AGBL1: variants seen among roughly 807,000 people sequenced by gnomAD.
The protein encoded by AGBL1 is cytosolic carboxypeptidase 4.
In AGBL1, 130 loss-of-function variants were observed where a neutral mutation model predicts 118.9. The ratio of observed to expected loss-of-function variants is 1.09; its 90% CI spans 0.95 to 1.26. The LOEUF is 1.26. AGBL1 is among the 50% of genes most tolerant of loss of function. AGBL1 has a pLI of 0.00. For synonymous variants in AGBL1, 555 were observed against 478.9 expected (o/e 1.16, Z -2.08); for missense variants, 1,584 against 1,298.1 (o/e 1.22, Z -3.38).
intron 5 of AGBL1, among the ~76,000 whole-genome samples, chr15:86,170,499 C>T: frequency 6.6e-6 from 1 of 151,968 alleles, no homozygotes; most frequent in Admixed American, 6.6e-5. Flanking sequence ...CACAGGAAAC[C>T]ATGTGCATAA....
chr15:86,120,786 A>G (rs1379418554), intron 1 of AGBL1, among the ~76,000 whole-genome samples: 1 of 152,238 alleles, frequency 6.6e-6, no homozygotes, highest in Non-Finnish European at 1.5e-5. Flanking sequence ...CCTTTGGCAT[A>G]ATAAATGTGT....
intron 17 of AGBL1, among the ~76,000 whole-genome samples, chr15:86,298,920 A>G (rs1190373755): frequency 6.6e-6 from 1 of 152,052 alleles, no homozygotes. Flanking sequence ...GGACAACTTA[A>G]TGATTACTTT....
At chr15:86,858,771 TA>T (rs1422606338) in intron 22 of AGBL1, among the ~76,000 whole-genome samples, 1 of 151,878 alleles carries the variant, frequency 6.6e-6, no homozygotes, top group Non-Finnish European at 1.5e-5. Context: ...TTGGGTGGGG[TA>T]GGGGGATGGA....
intron 5 of AGBL1, among the ~76,000 whole-genome samples, chr15:86,216,494 T>A (rs1297741605): frequency 6.6e-6 from 1 of 152,192 alleles, no homozygotes; most frequent in Admixed American, 6.5e-5. Flanking sequence ...ATCAAATACT[T>A]TTCCTGCGTG....
intron 3 of AGBL1, among the ~76,000 whole-genome samples, chr15:86,153,486 A>T (rs2077144454): frequency 6.6e-6 from 1 of 151,534 alleles, no homozygotes; most frequent in Admixed American, 6.6e-5. Context: ...AGGGCAGTGA[A>T]CATCACACAC....
intron 21 of AGBL1, among the ~76,000 whole-genome samples, chr15:86,593,803 C>A (rs1005469186): frequency 6.6e-6 from 1 of 152,154 alleles, no homozygotes; most frequent in Admixed American, 6.5e-5. Flanking sequence ...TCTTTTGTTA[C>A]TGCAGATTAT....
chr15:86,977,258 T>C (rs1387690408), intron 23 of AGBL1, among the ~76,000 whole-genome samples: 1 of 151,978 alleles, frequency 6.6e-6, no homozygotes, highest in African/African-American at 2.4e-5. Context: ...AAATCTTATA[T>C]ATATTTGACT....
intron 16 of AGBL1, among the ~76,000 whole-genome samples, chr15:86,287,040 C>A (rs2079466246): frequency 6.6e-6 from 1 of 152,080 alleles, no homozygotes. Flanking sequence ...TTGATAATAA[C>A]CAATCTAACA....
In AGBL1 at chr15:86,142,011, C is replaced by G; in HGVS notation, c.59C>G (p.Ser20Cys). 1 of 1,550,030 alleles carries G rather than the reference C, an allele frequency of 6.5e-7. No homozygotes were observed. The highest frequency in any genetic ancestry group is 8.7e-7 in the Non-Finnish European group (1 of 1,146,696). ...CCTGTGTTCTCATTGCAGAGCTCCTCTGACAAGGAGTCCATCCTGACCATC... is the reference window on the plus strand; with the variant it reads ...CCTGTGTTCTCATTGCAGAGCTCCTGTGACAAGGAGTCCATCCTGACCATC... ...QVLLHTLQSS[S>C]DKESILTILK... Residue 20 changes from serine to cysteine, a missense_variant, in exon 2 of 23, where the codon TCT becomes TGT. Coordinates refer to ENST00000614907, the MANE Select transcript of AGBL1 (RefSeq NM_001386094.1).
intron 5 of AGBL1, among the ~76,000 whole-genome samples, chr15:86,183,998 G>A (rs1384669780): frequency 2.0e-5 from 3 of 152,292 alleles, no homozygotes; most frequent in Admixed American, 6.5e-5. Context: ...CTTGGTAGCC[G>A]TGGGTGTTAC....
chr15:86,429,259 A>C (rs1178267533), intron 18 of AGBL1, among the ~76,000 whole-genome samples: 1 of 152,220 alleles, frequency 6.6e-6, no homozygotes, highest in Non-Finnish European at 1.5e-5. Flanking sequence ...AAAACATGCC[A>C]AATGTGGGAT....
intron 23 of AGBL1, among the ~76,000 whole-genome samples, chr15:86,933,226 G>A (rs536809311): frequency 6.6e-5 from 10 of 152,222 alleles, no homozygotes; most frequent in African/African-American, 2.4e-4. Flanking sequence ...GGCTGTCCCT[G>A]TTCATTCCTG....
chr15:86,584,421 A>G (rs1267730355), intron 21 of AGBL1, among the ~76,000 whole-genome samples: 1 of 152,204 alleles, frequency 6.6e-6, no homozygotes, highest in Non-Finnish European at 1.5e-5. Flanking sequence ...CAGGTAGCCC[A>G]GCACCATTTA....
In AGBL1 at chr15:86,157,796, C is replaced by A. The variant is rs1293362357; in HGVS notation, c.395-1137C>A. 2.6e-5 allele frequency among the ~76,000 whole-genome samples: 4 copies of A among 152,082 alleles called. No individual in the cohort carries two copies. The East Asian group carries it at 7.7e-4, about 29-fold the overall frequency. Reference sequence around the variant, plus strand: ...TAATGGGTCTGTGAGAGCCAATGAACCCTTTGGAAGTTCTCAGATGGCCAA... The same window carrying A: ...TAATGGGTCTGTGAGAGCCAATGAAACCTTTGGAAGTTCTCAGATGGCCAA... On this transcript the variant is annotated intron_variant, in intron 4 of 22. Coordinates refer to ENST00000614907, the MANE Select transcript of AGBL1 (RefSeq NM_001386094.1).
chr15:86,296,776 C>G (rs1433602111), intron 17 of AGBL1: 3 of 152,268 alleles, frequency 2.0e-5, no homozygotes, highest in African/African-American at 7.2e-5. Flanking sequence ...CAGAGTACCC[C>G]CCGTCAGCAG....
intron 24 of AGBL1, among the ~76,000 whole-genome samples, chr15:87,012,266 TA>T (rs34208061): frequency 6.7e-5 from 10 of 149,148 alleles, no homozygotes; most frequent in South Asian, 4.2e-4. Flanking sequence ...CAAGCTAGGT[TA>T]AAAAAAAAAT....
intron 21 of AGBL1, among the ~76,000 whole-genome samples, chr15:86,574,203 A>G (rs761511318): frequency 1.3e-4 from 20 of 152,220 alleles, no homozygotes; most frequent in Non-Finnish European, 2.8e-4. Flanking sequence ...GAGAGCATTT[A>G]TCTGCATGCT....
At chr15:86,917,791 AAG>A (rs1007744943), downstream of AGBL1, among the ~76,000 whole-genome samples, 6 of 67,796 alleles carry the variant, frequency 8.9e-5, no homozygotes, top group Non-Finnish European at 2.6e-4. This position sits in a 1 kb window ranked among gnomAD's most constrained non-coding sequence, Gnocchi z 4.8. Flanking sequence ...AGAGAGAGAG[AAG>A]AGAGAGGATG....
intron 18 of AGBL1, among the ~76,000 whole-genome samples, chr15:86,522,095 G>T (rs751769243): frequency 6.6e-6 from 1 of 152,068 alleles, no homozygotes; most frequent in Non-Finnish European, 1.5e-5. Context: ...CTACCAGCTA[G>T]GTCACTTTTG....
Sources: gnomAD v4.1 joint callset for allele counts (sites outside exome capture counted in the v4.1 genomes callset) on GRCh38, gnomAD v4.1.1 for gene constraint, Gnocchi (gnomAD v3.1) non-coding constraint, MANE v1.5 for transcripts, NCBI Gene and HGNC (gene_info 2026-07-23, HGNC 2026-07-21) for gene names.